Variants in ST6GALNAC3 observed in about 807,000 individuals in gnomAD.
The protein encoded by ST6GALNAC3 is alpha-N-acetylgalactosaminide alpha-2,6-sialyltransferase 3.
A neutral mutation model predicts 32.7 loss-of-function variants in ST6GALNAC3; 25 were observed. The ratio of observed to expected loss-of-function variants is 0.76; its 90% CI spans 0.56 to 1.07. The LOEUF (loss-of-function observed/expected upper bound fraction) is 1.07, where lower values mean the gene tolerates loss of function less well. ST6GALNAC3 is among the 50% of genes least tolerant of loss of function. ST6GALNAC3 has a pLI of 0.00. For missense variants in ST6GALNAC3, 355 were observed against 382.4 expected (o/e 0.93, Z 0.60); for synonymous variants, 129 against 133.1 (o/e 0.97, Z 0.21).
intron 1 of ST6GALNAC3, among the ~76,000 whole-genome samples, chr1:76,155,599 C>T (rs1651353995): frequency 6.6e-6 from 1 of 151,224 alleles, no homozygotes; most frequent in African/African-American, 2.4e-5. Flanking sequence ...TCCCGAATAG[C>T]TGGGACGACA....
rs568742852 is a variant in ST6GALNAC3 at position 76,078,957 on chromosome 1, T to C, written c.18+4073T>C. Reference sequence around the variant, plus strand: ...CCCTATGCCTGGCTAATTTTTTGTATTTTTAGTAGAGACGGGGTTTCACCA... The same window carrying C: ...CCCTATGCCTGGCTAATTTTTTGTACTTTTAGTAGAGACGGGGTTTCACCA... On this transcript the variant is annotated intron_variant, in intron 1 of 4. Coordinates refer to ENST00000328299, the MANE Select transcript of ST6GALNAC3 (RefSeq NM_152996.4). Among the ~76,000 whole-genome samples, 213 of 152,294 alleles carry C rather than the reference T, an allele frequency of 1.4e-3. 1 individual carries two copies. The highest frequency in any genetic ancestry group is 1.7e-3 in the Non-Finnish European group (116 of 68,032).
chr1:76,262,936 C>T (rs1443691539), intron 1 of ST6GALNAC3, among the ~76,000 whole-genome samples: 1 of 152,128 alleles, frequency 6.6e-6, no homozygotes, highest in Non-Finnish European at 1.5e-5. Flanking sequence ...ATCTGAGGCT[C>T]ACTGGGCCCA....
At chr1:76,288,671 T>A (rs899840820) in intron 1 of ST6GALNAC3, among the ~76,000 whole-genome samples, 37 of 152,180 alleles carry the variant, frequency 2.4e-4, no homozygotes, top group Non-Finnish European at 3.1e-4. Flanking sequence ...TGTGCTTGTC[T>A]GAGTTTGGGG....
rs1337778636 is a variant in ST6GALNAC3, at chr1:76,630,989, A to G, written c.*2183A>G. 3.0e-6 allele frequency: 3 copies of G among 985,688 alleles called. No individual in the cohort carries two copies. The highest frequency in any genetic ancestry group is 3.5e-5 in the African/African-American group (2 of 57,320). The allele number at this position is 985,688 out of a possible 1,614,324, so 61.1% of individuals were successfully genotyped here. On this transcript the variant is annotated 3_prime_UTR_variant, in exon 5 of 5. Transcript: ENST00000328299. Reference sequence around the variant, plus strand: ...TGAACTTAATTTATTTAGTTTTCTAATAAATGAAGGGCCAACTCTTATTTG... The same window carrying G: ...TGAACTTAATTTATTTAGTTTTCTAGTAAATGAAGGGCCAACTCTTATTTG...
intron 3 of ST6GALNAC3, among the ~76,000 whole-genome samples, chr1:76,503,577 T>C (rs2101732582): frequency 6.6e-6 from 1 of 152,336 alleles, no homozygotes; most frequent in Middle Eastern, 3.4e-3. Flanking sequence ...AATATTTTTT[T>C]CCCACAAAGT....
intron 2 of ST6GALNAC3, among the ~76,000 whole-genome samples, chr1:76,341,561 G>C (rs1277391767): frequency 1.3e-5 from 2 of 151,656 alleles, no homozygotes; most frequent in Non-Finnish European, 2.9e-5. Flanking sequence ...ATTGCCAGCT[G>C]AATGGTATTT....
At chr1:76,594,102 T>C (rs1647091559) in intron 3 of ST6GALNAC3, among the ~76,000 whole-genome samples, 1 of 152,148 alleles carries the variant, frequency 6.6e-6, no homozygotes, top group Admixed American at 6.6e-5. Context: ...GGGATAACTT[T>C]CAGTGACTGC....
chr1:76,611,777 A>G (rs1647948988), intron 3 of ST6GALNAC3, among the ~76,000 whole-genome samples: 1 of 152,216 alleles, frequency 6.6e-6, no homozygotes, highest in Non-Finnish European at 1.5e-5. Context: ...ATTATAACCA[A>G]CACTGAGTTC....
intron 3 of ST6GALNAC3, among the ~76,000 whole-genome samples, chr1:76,444,964 C>T (rs1243636915): frequency 6.6e-6 from 1 of 152,144 alleles, no homozygotes; most frequent in African/African-American, 2.4e-5. Flanking sequence ...ATAAAAATGC[C>T]AAGCACAGCT....
chr1:76,086,479 A>G (rs1359529160), intron 1 of ST6GALNAC3, among the ~76,000 whole-genome samples: 1 of 152,020 alleles, frequency 6.6e-6, no homozygotes, highest in Admixed American at 6.5e-5. Context: ...GAAGGAAATT[A>G]CTCTGTAAGT....
intron 3 of ST6GALNAC3, among the ~76,000 whole-genome samples, chr1:76,474,800 G>T (rs1267442390): frequency 6.6e-6 from 1 of 152,120 alleles, no homozygotes; most frequent in African/African-American, 2.4e-5. Flanking sequence ...GAGGACTCTT[G>T]TGAAGAGAAA....
At chr1:76,520,481 C>T (rs2101787474) in intron 3 of ST6GALNAC3, among the ~76,000 whole-genome samples, 1 of 152,230 alleles carries the variant, frequency 6.6e-6, no homozygotes, top group African/African-American at 2.4e-5. Context: ...CACACACATA[C>T]ACACATACAC....
chr1:76,339,637 TG>T lies in ST6GALNAC3; in HGVS notation c.213+25639del, dbSNP rs553074820. On this transcript the variant is annotated intron_variant, in intron 2 of 4. Transcript: ENST00000328299. ...GCTTTATCCACTATAAAATAGGTGTTGCTCATTTATTTGTTCCTTTATTCAT... is the reference window on the plus strand; with the variant it reads ...GCTTTATCCACTATAAAATAGGTGTTCTCATTTATTTGTTCCTTTATTCAT... Among the ~76,000 whole-genome samples the T allele has an allele frequency of 5.3e-3, 800 of 152,322 alleles. 1 individual carries two copies. Among genetic ancestry groups the T allele is most frequent in the Non-Finnish European group, 8.3e-3 (564 of 68,018 alleles).
At chr1:76,623,077 C>G (rs970044320) in intron 3 of ST6GALNAC3, among the ~76,000 whole-genome samples, 2 of 151,858 alleles carry the variant, frequency 1.3e-5, no homozygotes, top group Non-Finnish European at 2.9e-5. Context: ...ATCCCTGTAT[C>G]CATGTGATGG....
intron 1 of ST6GALNAC3, among the ~76,000 whole-genome samples, chr1:76,112,931 G>C (rs1275985809): frequency 6.6e-6 from 1 of 152,118 alleles, no homozygotes; most frequent in Non-Finnish European, 1.5e-5. Context: ...CTTCCCAGAC[G>C]GGGTGGCGGC....
chr1:76,500,817 A>T (rs950755824), intron 3 of ST6GALNAC3, among the ~76,000 whole-genome samples: 1 of 152,188 alleles, frequency 6.6e-6, no homozygotes, highest in South Asian at 2.1e-4. Flanking sequence ...TTACTCAGGC[A>T]TTTGTGGAAT....
chr1:76,458,872 C>T (rs1390705378), intron 3 of ST6GALNAC3, among the ~76,000 whole-genome samples: 1 of 149,108 alleles, frequency 6.7e-6, no homozygotes, highest in Non-Finnish European at 1.5e-5. Flanking sequence ...TACCCTAAAA[C>T]TTAAAGTATA....
chr1:76,546,460 A>G (rs1664304611), intron 3 of ST6GALNAC3, among the ~76,000 whole-genome samples: 1 of 152,208 alleles, frequency 6.6e-6, no homozygotes, highest in African/African-American at 2.4e-5. Context: ...AAAAAGGAAG[A>G]AGCTGCTCCT....
intron 1 of ST6GALNAC3, among the ~76,000 whole-genome samples, chr1:76,082,109 A>G (rs1646904456): frequency 6.6e-6 from 1 of 152,236 alleles, no homozygotes; most frequent in South Asian, 2.1e-4. Flanking sequence ...GAGCGAAGTT[A>G]TGAAAGCTTC....
Sources: gnomAD v4.1 joint callset for allele counts (sites outside exome capture counted in the v4.1 genomes callset) on GRCh38, gnomAD v4.1.1 for gene constraint, MANE v1.5 for transcripts, NCBI Gene and HGNC (gene_info 2026-07-23, HGNC 2026-07-21) for gene names.